The following PXDC1 variants were observed in gnomAD, a reference collection of about 807,000 sequenced individuals.
The protein encoded by PXDC1 is PX domain-containing protein 1.
A neutral mutation model predicts 24.4 loss-of-function variants in PXDC1; 13 were observed. The observed-to-expected ratio is 0.53, with a 90% confidence interval of 0.35 to 0.85. PXDC1 has a LOEUF of 0.85. PXDC1 is among the 40% of genes least tolerant of loss of function. PXDC1 has a pLI of 0.01. For synonymous variants in PXDC1, 162 were observed against 124.9 expected (o/e 1.30, Z -1.98); for missense variants, 344 against 309.3 (o/e 1.11, Z -0.84).
chr6:3,740,545 G>A (rs1457254676), intron 1 of PXDC1, among the ~76,000 whole-genome samples: 1 of 152,156 alleles, frequency 6.6e-6, no homozygotes, highest in Non-Finnish European at 1.5e-5. Context: ...AAAGGCAAGT[G>A]TACCTGGTCA....
intron 1 of PXDC1, among the ~76,000 whole-genome samples, chr6:3,742,567 G>T (rs1760472275): frequency 6.6e-6 from 1 of 152,150 alleles, no homozygotes; most frequent in South Asian, 2.1e-4. Flanking sequence ...TGACCAGCAG[G>T]GGGCGCGCGC....
At chr6:3,736,685 C>T (rs1231466537) in intron 3 of PXDC1, among the ~76,000 whole-genome samples, 2 of 152,172 alleles carry the variant, frequency 1.3e-5, no homozygotes, top group Non-Finnish European at 2.9e-5. Context: ...AAAGCCTGTG[C>T]GTCCCTTTGG....
chr6:3,729,338 C>G (rs1760145857), intron 3 of PXDC1, among the ~76,000 whole-genome samples: 1 of 152,176 alleles, frequency 6.6e-6, no homozygotes, highest in South Asian at 2.1e-4. Context: ...CAGATTTCCT[C>G]CTCGCCCCCC....
intron 1 of PXDC1, among the ~76,000 whole-genome samples, chr6:3,749,289 T>C (rs1444931547): frequency 6.6e-6 from 1 of 151,664 alleles, no homozygotes; most frequent in East Asian, 1.9e-4. Context: ...ACCCAGCCGC[T>C]GGACCTCACA....
chr6:3,733,010 C>T (rs1241925198), intron 3 of PXDC1, among the ~76,000 whole-genome samples: 1 of 152,246 alleles, frequency 6.6e-6, no homozygotes, highest in Non-Finnish European at 1.5e-5. Flanking sequence ...GGCCAGTCCC[C>T]TGCAGGAGGC....
chr6:3,727,010 C>T (rs969045721), intron 4 of PXDC1, among the ~76,000 whole-genome samples: 4 of 152,226 alleles, frequency 2.6e-5, no homozygotes, highest in African/African-American at 9.6e-5. Context: ...CCAGAATTCA[C>T]CAAGAAGATG....
At position 3,737,105 on chromosome 6, in the gene PXDC1, C is replaced by T. The variant is rs532420591; in HGVS notation, c.440G>A (p.Ser147Asn). The T allele has an allele frequency of 3.6e-5, 58 of 1,612,200 alleles. No individual in the cohort carries two copies. In the Admixed American group the frequency reaches 5.5e-4, roughly 15 times the overall value. The change falls in exon 3 of 5, where the codon AGC (serine) becomes AAC (asparagine). Residue 147 changes from serine to asparagine, a missense_variant. By Grantham distance (46) the Ser-to-Asn change is conservative. Transcript: ENST00000380283. The surrounding 1 kb of genome is among the most constrained non-coding windows in gnomAD (Gnocchi z 5.5). ...TGATATTTTGACTGGACTTTGAAAG[C>T]TGGGTTGAATTTTATGCACATTATC... ...KNDNVHKIQP[S>N]FQSPVKISEI...
intron 1 of PXDC1, chr6:3,738,842 A>G (rs1360474241): frequency 7.7e-7 from 1 of 1,303,352 alleles, no homozygotes; most frequent in Non-Finnish European, 1.0e-6. Context: ...TCTCCCCATG[A>G]GAAGCGCAGA....
Position 3,724,849 on chromosome 6 carries a change from C to G in PXDC1, c.579-1113G>C, listed in dbSNP as rs1760023073. 6.6e-6 allele frequency among the ~76,000 whole-genome samples: 1 copy of G among 152,234 alleles called. No homozygotes were observed. Among genetic ancestry groups the G allele is most frequent in the South Asian group, 2.1e-4 (1 of 4,836 alleles). Reference sequence around the variant, plus strand: ...AGTACATCGTGCGAATCCCGCTGACCTCAAGGGACAGGGCTGTGAAGACAG... The same window carrying G: ...AGTACATCGTGCGAATCCCGCTGACGTCAAGGGACAGGGCTGTGAAGACAG... On this transcript the variant is annotated intron_variant, in intron 4 of 4. Coordinates refer to ENST00000380283, the MANE Select transcript of PXDC1 (RefSeq NM_183373.4). This position sits in a 1 kb window ranked among gnomAD's most constrained non-coding sequence, Gnocchi z 4.5.
chr6:3,736,467 T>A (rs1164129154), intron 3 of PXDC1, among the ~76,000 whole-genome samples: 2 of 152,126 alleles, frequency 1.3e-5, no homozygotes, highest in Non-Finnish European at 1.5e-5. Context: ...TCCTAGAGAC[T>A]CCCAGGACAG....
At chr6:3,742,278 T>C (rs1760465229) in intron 1 of PXDC1, among the ~76,000 whole-genome samples, 1 of 152,240 alleles carries the variant, frequency 6.6e-6, no homozygotes, top group Non-Finnish European at 1.5e-5. Context: ...GGCTAGTGGA[T>C]TCTTTCCAAA....
intron 4 of PXDC1, 42 bp from the exon 5 acceptor site, chr6:3,723,778 G>A (rs1759994539): frequency 6.6e-7 from 1 of 1,519,590 alleles, no homozygotes; most frequent in African/African-American, 1.4e-5. Context: ...GCTCATTGTT[G>A]GGATCAACAC....
At chr6:3,743,554 A>G (rs1250595704) in intron 1 of PXDC1, among the ~76,000 whole-genome samples, 1 of 152,194 alleles carries the variant, frequency 6.6e-6, no homozygotes, top group Non-Finnish European at 1.5e-5. Context: ...TGTTTTAGGA[A>G]AGCCTTTAAA....
At chr6:3,742,913 C>G (rs1760481185) in intron 1 of PXDC1, among the ~76,000 whole-genome samples, 1 of 152,188 alleles carries the variant, frequency 6.6e-6, no homozygotes, top group Non-Finnish European at 1.5e-5. Context: ...GAAAACACAG[C>G]GTTGTATCTG....
At chr6:3,736,000 C>A (rs539020708) in intron 3 of PXDC1, among the ~76,000 whole-genome samples, 1 of 152,264 alleles carries the variant, frequency 6.6e-6, no homozygotes, top group African/African-American at 2.4e-5. Context: ...ATCTACAAAC[C>A]CATCTTCCAC....
In PXDC1 at chr6:3,728,644, A is replaced by T. The variant is rs952186640; in HGVS notation, c.467-982T>A. On this transcript the variant is annotated intron_variant, in intron 3 of 4. Coordinates refer to ENST00000380283, the MANE Select transcript of PXDC1 (RefSeq NM_183373.4). This position sits in a 1 kb window ranked among gnomAD's most constrained non-coding sequence, Gnocchi z 4.0. ...GGACAACGAGCTCCATGGCCTTGGG[A>T]CTCAGTTTCCTCCAATGAAAAATTT... Among the ~76,000 whole-genome samples the T allele has an allele frequency of 2.6e-5, 4 of 152,038 alleles. No individual in the cohort carries two copies. Among genetic ancestry groups the T allele is most frequent in the African/African-American group, 9.7e-5 (4 of 41,376 alleles).
rs1363890583 is a variant in PXDC1, at chr6:3,737,108, G to A, written c.437C>T (p.Pro146Leu). The A allele has an allele frequency of 6.2e-6, 10 of 1,612,362 alleles. No individual in the cohort carries two copies. Among genetic ancestry groups the A allele is most frequent in the Non-Finnish European group, 7.6e-6 (9 of 1,178,364 alleles). ...LKNDNVHKIQ[P>L]SFQSPVKISE... ...TATTTTGACTGGACTTTGAAAGCTG[G>A]GTTGAATTTTATGCACATTATCATT... The change falls in exon 3 of 5, where the codon CCC becomes CTC. Residue 146 changes from proline (P) to leucine (L), a missense_variant. Coordinates refer to ENST00000380283, the MANE Select transcript of PXDC1 (RefSeq NM_183373.4). This position sits in a 1 kb window ranked among gnomAD's most constrained non-coding sequence, Gnocchi z 5.5.
At chr6:3,732,735 A>C (rs1483967976) in intron 3 of PXDC1, among the ~76,000 whole-genome samples, 1 of 152,154 alleles carries the variant, frequency 6.6e-6, no homozygotes, top group Non-Finnish European at 1.5e-5. Context: ...CATCTAGTGG[A>C]GCTCCTGACA....
chr6:3,743,241 A>G (rs57458594), intron 1 of PXDC1, among the ~76,000 whole-genome samples: 9,207 of 152,214 alleles, frequency 0.06, 949 homozygotes, highest in African/African-American at 0.21. Context: ...GGGAGGTCAC[A>G]CGTTAAAGAG....
Sources: gnomAD v4.1 joint callset for allele counts (sites outside exome capture counted in the v4.1 genomes callset) on GRCh38, gnomAD v4.1.1 for gene constraint, Gnocchi (gnomAD v3.1) non-coding constraint, MANE v1.5 for transcripts, NCBI Gene and HGNC (gene_info 2026-07-23, HGNC 2026-07-21) for gene names.